Variants in CPLANE1 observed in about 807,000 individuals in gnomAD.
CPLANE1 encodes ciliogenesis and planar polarity effector complex subunit 1.
A neutral mutation model predicts 362.5 loss-of-function variants in CPLANE1; 263 were observed. That is an observed-to-expected ratio of 0.73 (90% confidence interval 0.66 to 0.80). The LOEUF (loss-of-function observed/expected upper bound fraction) is 0.80. Ranked by LOEUF, CPLANE1 falls within the 30% of genes least tolerant of loss-of-function variation. The pLI is 0.00. For missense variants in CPLANE1, 3,461 were observed against 3,793.4 expected (o/e 0.91, Z 2.30); for synonymous variants, 1,212 against 1,302.6 (o/e 0.93, Z 1.50).
At chr5:37,127,992 A>T (rs1428461327) in intron 46 of CPLANE1, among the ~76,000 whole-genome samples, 1 of 152,100 alleles carries the variant, frequency 6.6e-6, no homozygotes, top group Non-Finnish European at 1.5e-5. Context: ...GTAAGCCATG[A>T]TTGTGCCACT....
rs1797406595 is a variant in CPLANE1 at position 37,230,185 on chromosome 5, A to AT, written c.1121+681_1121+682insA. On this transcript the variant is annotated intron_variant, in intron 9 of 52. Coordinates refer to ENST00000651892, the MANE Select transcript of CPLANE1 (RefSeq NM_001384732.1). Reference sequence around the variant, plus strand: ...AGCGAAACTCCGTCTCAAGAAAAAAAAAATAAATAAAACTAAGAATGAAAA... The same window carrying AT: ...AGCGAAACTCCGTCTCAAGAAAAAAATAAATAAATAAAACTAAGAATGAAAA... Among the ~76,000 whole-genome samples the AT allele has an allele frequency of 2.0e-5, 3 of 150,620 alleles. No homozygotes were observed. The South Asian group carries it at 6.3e-4, about 32-fold the overall frequency.
At chr5:37,232,313 C>T (rs2150539143) in intron 8 of CPLANE1, among the ~76,000 whole-genome samples, 1 of 152,090 alleles carries the variant, frequency 6.6e-6, no homozygotes, top group South Asian at 2.1e-4. Flanking sequence ...GTCAGGAATT[C>T]AAGACCAGCC....
Position 37,245,823 on chromosome 5 carries a change from A to C in CPLANE1, c.104T>G (p.Leu35Trp). The change falls in exon 3 of 53, where the codon TTG becomes TGG. Residue 35 changes from leucine (L) to tryptophan (W), a missense_variant. By Grantham distance (61) the Leu-to-Trp change is moderately conservative. This residue lies in a region of CPLANE1 where 3,380 missense variants were observed against 3,666.1 expected (regional missense o/e 0.92). Coordinates refer to ENST00000651892, the MANE Select transcript of CPLANE1 (RefSeq NM_001384732.1). ...AATTTCATTTATGAATTTATCATCCAAAAGAAAAACGGCTTCTTTTTCCTA... is the reference window on the plus strand; with the variant it reads ...AATTTCATTTATGAATTTATCATCCCAAAGAAAAACGGCTTCTTTTTCCTA... Reference protein sequence around the residue: ...LGKEKEAVFLLDDKFINEINL... With the variant: ...LGKEKEAVFLWDDKFINEINL... The C allele has an allele frequency of 1.3e-6, 2 of 1,520,196 alleles. No homozygotes were observed. The highest frequency in any genetic ancestry group is 1.8e-6 in the Non-Finnish European group (2 of 1,136,594). The allele number at this position is 1,520,196 out of a possible 1,614,324, so 94.2% of individuals were successfully genotyped here.
Position 37,245,613 on chromosome 5 carries a change from GAAATGC to G in CPLANE1, c.218-21_218-16del, listed in dbSNP as rs1157050213. The G allele has an allele frequency of 6.6e-7, 1 of 1,504,770 alleles. No homozygotes were observed. Among genetic ancestry groups the G allele is most frequent in the East Asian group, 2.5e-5 (1 of 39,978 alleles). 93.2% of individuals were successfully genotyped at this position (1,504,770 alleles called of 1,614,324 possible). On this transcript the variant is annotated splice_polypyrimidine_tract_variant and intron_variant, in intron 3 of 52. Transcript: ENST00000651892. ...CAGCCAGGCATCTGTTTCCAAAAAT[GAAATGC>G]AATACTTACAATCTAGTATTTCCTT... is the stretch of plus-strand genomic sequence containing the variant.
chr5:37,219,406 T>C (rs1794869099), intron 15 of CPLANE1, among the ~76,000 whole-genome samples: 1 of 151,670 alleles, frequency 6.6e-6, no homozygotes, highest in Non-Finnish European at 1.5e-5. Flanking sequence ...CGCATGCCTG[T>C]AATCCCAGCT....
Position 37,209,378 on chromosome 5 carries a change from C to T in CPLANE1, c.2921-2953G>A. On this transcript the variant is annotated intron_variant, in intron 16 of 52. Transcript: ENST00000651892. The surrounding 1 kb of genome is among the most constrained non-coding windows in gnomAD (Gnocchi z 4.6). ...GCTGACGGCTGATGATGGCTCAGTC[C>T]AACATGCTCCCCGTGGCTGATGTGT... is the stretch of plus-strand genomic sequence containing the variant. The T allele has an allele frequency of 8.9e-7, 1 of 1,121,334 alleles. No individual in the cohort carries two copies. The highest frequency in any genetic ancestry group is 1.2e-5 in the South Asian group (1 of 81,426). The allele number at this position is 1,121,334 out of a possible 1,614,324, so 69.5% of individuals were successfully genotyped here.
At chr5:37,245,961 C>G (rs1581068139) in intron 2 of CPLANE1, 116 bp from the exon 3 acceptor site, 1 of 1,018,778 alleles carries the variant, frequency 9.8e-7, no homozygotes, top group Non-Finnish European at 1.4e-6. Context: ...TCCATTTGTA[C>G]CACAAATCAT....
In CPLANE1 at chr5:37,137,069, G is replaced by A. The variant is rs570852244; in HGVS notation, c.8792+1651C>T. On this transcript the variant is annotated intron_variant, in intron 46 of 52. Transcript: ENST00000651892. ...GAGCTTGATTTCTCCCCAGAAAATG[G>A]GTTTTTCTTTTATATTGCACTGTCA... Among the ~76,000 whole-genome samples the A allele has an allele frequency of 5.9e-5, 9 of 152,240 alleles. No homozygotes were observed. In the South Asian group the frequency reaches 1.9e-3, roughly 32 times the overall value.
Position 37,169,204 on chromosome 5 carries a change from T to G in CPLANE1, c.6820A>C (p.Arg2274=). The G allele has an allele frequency of 6.2e-7, 1 of 1,614,198 alleles. No individual in the cohort carries two copies. The highest frequency in any genetic ancestry group is 8.5e-7 in the Non-Finnish European group (1 of 1,180,030). Residue 2274 remains arginine, a synonymous_variant, in exon 34 of 53, where the codon AGA becomes CGA. Coordinates refer to ENST00000651892, the MANE Select transcript of CPLANE1 (RefSeq NM_001384732.1). ...GATGCTGGAGTAGTTTGTGCTGCTC[T>G]CTGTGGCAGAGCAGGTTGGAAGGAG... is the stretch of plus-strand genomic sequence containing the variant. ...SDSFQPALPQ[R]AAQTTPASHL...
the CPLANE1 span, among the ~76,000 whole-genome samples, chr5:37,096,694 C>T: frequency 6.6e-6 from 1 of 151,978 alleles, no homozygotes; most frequent in African/African-American, 2.4e-5. Context: ...CTACAATGAA[C>T]TCAAATCAGC....
rs962696097 is a variant in CPLANE1 at position 37,196,786 on chromosome 5, G to A, written c.3673-790C>T. On this transcript the variant is annotated intron_variant, in intron 20 of 52. Transcript: ENST00000651892. ...CTAAAAACACAAAAATTAGTTGGGC[G>A]AGGTGGCAGGCGCCTGTAGTCCCAG... 3.9e-5 allele frequency among the ~76,000 whole-genome samples: 6 copies of A among 152,054 alleles called. 1 individual carries two copies. The highest frequency in any genetic ancestry group is 2.0e-4 in the Admixed American group (3 of 15,256).
chr5:37,199,812 G>A (rs983621084), intron 19 of CPLANE1, among the ~76,000 whole-genome samples: 2 of 152,148 alleles, frequency 1.3e-5, no homozygotes, highest in African/African-American at 2.4e-5. Context: ...CCACCTCAAG[G>A]AAGGATCTAT....
intron 1 of CPLANE1, among the ~76,000 whole-genome samples, 179 bp downstream of exon 1, chr5:37,249,066 G>A (rs560089684): frequency 6.6e-6 from 1 of 152,234 alleles, no homozygotes; most frequent in African/African-American, 2.4e-5. Flanking sequence ...GAGCGAGGAC[G>A]GGCCCGGACT....
intron 4 of CPLANE1, among the ~76,000 whole-genome samples, chr5:37,244,893 T>C (rs1738986928): frequency 2.0e-5 from 3 of 151,168 alleles, no homozygotes; most frequent in African/African-American, 7.3e-5. Context: ...CAGAACAAGA[T>C]CCTGTCTCTA....
intron 8 of CPLANE1, among the ~76,000 whole-genome samples, chr5:37,233,155 T>A (rs561955920): frequency 6.6e-6 from 1 of 152,252 alleles, no homozygotes; most frequent in Admixed American, 6.5e-5. Flanking sequence ...GGAAAACACA[T>A]GGAATCCCAC....
chr5:37,187,631 A>G, intron 22 of CPLANE1, 59 bp from the exon 23 acceptor site: 1 of 1,562,756 alleles, frequency 6.4e-7, no homozygotes, highest in Non-Finnish European at 8.7e-7. Flanking sequence ...GACCAGAATG[A>G]GTTCAAAAGA....
chr5:37,162,377 C>A, intron 38 of CPLANE1, 88 bp downstream of exon 38: 1 of 798,692 alleles, frequency 1.3e-6, no homozygotes, highest in East Asian at 2.7e-5. Flanking sequence ...TAAAAATTCC[C>A]TTTAAATCAC....
chr5:37,192,146 T>A (rs1785717527), intron 21 of CPLANE1, among the ~76,000 whole-genome samples: 1 of 152,326 alleles, frequency 6.6e-6, no homozygotes, highest in Admixed American at 6.5e-5. Context: ...TATGTTTATA[T>A]ATACAAATAT....
intron 18 of CPLANE1, among the ~76,000 whole-genome samples, chr5:37,202,403 C>T (rs1346415761): frequency 6.6e-6 from 1 of 152,048 alleles, no homozygotes; most frequent in East Asian, 1.9e-4. Flanking sequence ...GGTGATCCAC[C>T]TAGCCTCCTA....
Sources: gnomAD v4.1 joint callset for allele counts (sites outside exome capture counted in the v4.1 genomes callset) on GRCh38, gnomAD v4.1.1 for gene constraint, gnomAD v4.1.1 regional missense constraint, Gnocchi (gnomAD v3.1) non-coding constraint, MANE v1.5 for transcripts, NCBI Gene and HGNC (gene_info 2026-07-23, HGNC 2026-07-21) for gene names.